The following SEZ6L variants were observed in gnomAD, a reference collection of about 807,000 sequenced individuals.
The protein encoded by SEZ6L is seizure 6-like protein.
In SEZ6L, 37 loss-of-function variants were observed where a neutral mutation model predicts 106.2. That is an observed-to-expected ratio of 0.35 (90% CI 0.27 to 0.46). The LOEUF (loss-of-function observed/expected upper bound fraction) is 0.46, where lower values mean the gene tolerates loss of function less well. SEZ6L is among the 20% of genes least tolerant of loss of function. The probability of loss-of-function intolerance (pLI) is 1.00; values close to 1 mark genes in which losing one functional copy is unlikely to be tolerated. For missense variants in SEZ6L, 1,172 were observed against 1,332.8 expected (o/e 0.88, Z 1.88); for synonymous variants, 541 against 570.4 (o/e 0.95, Z 0.73).
intron 1 of SEZ6L, among the ~76,000 whole-genome samples, chr22:26,186,639 G>A (rs577214878): frequency 6.6e-6 from 1 of 152,288 alleles, no homozygotes; most frequent in East Asian, 1.9e-4. Context: ...TGAGGGACCT[G>A]ATCAGATATG....
At chr22:26,318,423 T>G (rs1433583929) in intron 9 of SEZ6L, among the ~76,000 whole-genome samples, 2 of 143,950 alleles carry the variant, frequency 1.4e-5, no homozygotes, top group Admixed American at 1.4e-4. Flanking sequence ...AAAAAAAAAG[T>G]GCCTACTGGC....
chr22:26,306,899 G>C (rs2145915002), intron 6 of SEZ6L, among the ~76,000 whole-genome samples: 1 of 152,294 alleles, frequency 6.6e-6, no homozygotes, highest in South Asian at 2.1e-4. Flanking sequence ...TAGGACTTTA[G>C]CTGCTTTGAC....
intron 1 of SEZ6L, among the ~76,000 whole-genome samples, chr22:26,192,341 T>C (rs1040478376): frequency 6.6e-6 from 1 of 152,240 alleles, no homozygotes; most frequent in Non-Finnish European, 1.5e-5. Context: ...ACTCACGTCA[T>C]AGCATATACA....
intron 16 of SEZ6L, among the ~76,000 whole-genome samples, chr22:26,379,194 C>T (rs1251095753): frequency 1.3e-5 from 2 of 152,216 alleles, no homozygotes; most frequent in African/African-American, 4.8e-5. Flanking sequence ...CAGTTTCTTC[C>T]ATGTGGGCCT....
rs2079577156 is a variant in SEZ6L, at chr22:26,251,383, A to G, written c.95-41023A>G. Among the ~76,000 whole-genome samples, 3 of 151,308 alleles carry G rather than the reference A, an allele frequency of 2.0e-5. No individual in the cohort carries two copies. The South Asian group carries it at 6.2e-4, about 31-fold the overall frequency. On this transcript the variant is annotated intron_variant, in intron 1 of 16. Coordinates refer to ENST00000248933, the MANE Select transcript of SEZ6L (RefSeq NM_021115.5). ...ATGAATGGATGTTGAATTTCATTAA[A>G]TGCTTTTTCTGCAAGTCTTGAAATA...
At chr22:26,326,379 C>T (rs2082306112) in intron 9 of SEZ6L, among the ~76,000 whole-genome samples, 1 of 152,200 alleles carries the variant, frequency 6.6e-6, no homozygotes, top group African/African-American at 2.4e-5. Context: ...GAGCGCATAC[C>T]ATGTGGCTAG....
intron 9 of SEZ6L, among the ~76,000 whole-genome samples, chr22:26,331,897 G>A (rs964785607): frequency 6.6e-6 from 1 of 152,050 alleles, no homozygotes; most frequent in Non-Finnish European, 1.5e-5. Context: ...GCAGGAGAAT[G>A]GCTTAAACCC....
intron 1 of SEZ6L, among the ~76,000 whole-genome samples, chr22:26,205,950 C>A (rs1327366542): frequency 6.6e-6 from 1 of 152,114 alleles, no homozygotes; most frequent in African/African-American, 2.4e-5. Flanking sequence ...CTCCAGGTGT[C>A]CAGTTTATGC....
intron 1 of SEZ6L, among the ~76,000 whole-genome samples, chr22:26,217,851 C>T (rs545993818): frequency 6.6e-6 from 1 of 152,352 alleles, no homozygotes; most frequent in African/African-American, 2.4e-5. Context: ...CGATGGAAGG[C>T]GAAGTGCCTG....
intron 12 of SEZ6L, among the ~76,000 whole-genome samples, chr22:26,352,483 T>C (rs1290966506): frequency 6.6e-6 from 1 of 152,230 alleles, no homozygotes; most frequent in Non-Finnish European, 1.5e-5. Flanking sequence ...TAAATTCCCC[T>C]ACATCTGATG....
intron 13 of SEZ6L, among the ~76,000 whole-genome samples, chr22:26,371,556 C>T (rs536079668): frequency 2.3e-4 from 35 of 152,038 alleles, no homozygotes; most frequent in Admixed American, 3.9e-4. Context: ...CGCTTGAAAC[C>T]GGGAGGCCGA....
chr22:26,185,641 C>A (rs533726554), intron 1 of SEZ6L, among the ~76,000 whole-genome samples: 1 of 152,264 alleles, frequency 6.6e-6, no homozygotes, highest in East Asian at 1.9e-4. Flanking sequence ...CAAGCCATGA[C>A]CTTTTATGAT....
chr22:26,262,169 T>G (rs2080029412), intron 1 of SEZ6L, among the ~76,000 whole-genome samples: 2 of 149,714 alleles, frequency 1.3e-5, no homozygotes, highest in South Asian at 2.1e-4. Context: ...TTTAATATAT[T>G]GATATACAAA....
intron 1 of SEZ6L, among the ~76,000 whole-genome samples, chr22:26,214,187 A>G (rs1569386286): frequency 6.6e-6 from 1 of 152,330 alleles, no homozygotes; most frequent in East Asian, 1.9e-4. Flanking sequence ...AATGGTTAAG[A>G]AAAAAAGGCA....
intron 1 of SEZ6L, among the ~76,000 whole-genome samples, chr22:26,236,540 T>C (rs576044813): frequency 9.9e-5 from 15 of 152,282 alleles, no homozygotes; most frequent in African/African-American, 3.6e-4. Context: ...TGGACTTGAT[T>C]GATTGAGGTT....
At chr22:26,201,381 A>C (rs11090433) in intron 1 of SEZ6L, among the ~76,000 whole-genome samples, 3 of 100,000 alleles carry the variant, frequency 3.0e-5, no homozygotes, top group African/African-American at 1.3e-4. Context: ...ATACAAAAAT[A>C]CAAAAAAAAA....
chr22:26,290,526 C>T (rs1220734213), intron 1 of SEZ6L, among the ~76,000 whole-genome samples: 1 of 151,366 alleles, frequency 6.6e-6, no homozygotes, highest in South Asian at 2.1e-4. Context: ...AGTGAGACTC[C>T]GTCTCAAAAA....
chr22:26,192,933 CCTG>C (rs1170693647), intron 1 of SEZ6L, among the ~76,000 whole-genome samples: 3 of 152,152 alleles, frequency 2.0e-5, no homozygotes, highest in Non-Finnish European at 4.4e-5. Context: ...GTATTCCTGT[CCTG>C]AATAGAAACA....
At chr22:26,178,846 G>C (rs1334282223) in intron 1 of SEZ6L, among the ~76,000 whole-genome samples, 1 of 152,184 alleles carries the variant, frequency 6.6e-6, no homozygotes, top group Non-Finnish European at 1.5e-5. Context: ...GGGGAATTAT[G>C]AGTTGCTGTT....
Sources: allele counts gnomAD v4.1 joint callset (sites outside exome capture counted in the v4.1 genomes callset), GRCh38; gene constraint gnomAD v4.1.1; transcripts MANE v1.5; gene names NCBI Gene and HGNC (gene_info 2026-07-23, HGNC 2026-07-21).